The following PHLDB2 variants were observed in gnomAD, a reference collection of about 807,000 sequenced individuals.
The protein encoded by PHLDB2 is pleckstrin homology like domain family B member 2, also known as pleckstrin homology-like domain family B member 2.
Under a neutral mutation model 123.6 loss-of-function variants are expected in PHLDB2, and 71 were observed. That is an observed-to-expected ratio of 0.57 (90% CI 0.47 to 0.70). The LOEUF is 0.70. PHLDB2 is among the 30% of genes least tolerant of loss of function. The pLI is 0.00. For missense variants in PHLDB2, 1,446 were observed against 1,519.5 expected (o/e 0.95, Z 0.80); for synonymous variants, 547 against 541.6 (o/e 1.01, Z -0.14).
At chr3:111,748,775 G>T (rs893345749) in intron 1 of PHLDB2, among the ~76,000 whole-genome samples, 3 of 152,006 alleles carry the variant, frequency 2.0e-5, no homozygotes, top group African/African-American at 7.3e-5. Context: ...ACCCACCTCG[G>T]CCTCCCAAAG....
chr3:111,902,749 C>CT (rs996298471), intron 2 of PHLDB2, among the ~76,000 whole-genome samples: 49 of 152,268 alleles, frequency 3.2e-4, no homozygotes, highest in African/African-American at 1.2e-3. Context: ...AGTAGTCCTC[C>CT]TGCCTTGGCC....
chr3:111,866,964 T>C (rs1045295905), intron 1 of PHLDB2, among the ~76,000 whole-genome samples: 3 of 151,708 alleles, frequency 2.0e-5, no homozygotes, highest in African/African-American at 7.3e-5. Context: ...TGTGTGTGTG[T>C]GTGTGTGTAT....
At chr3:111,766,230 CAGG>C (rs1336453671) in intron 1 of PHLDB2, among the ~76,000 whole-genome samples, 1 of 151,978 alleles carries the variant, frequency 6.6e-6, no homozygotes, top group African/African-American at 2.4e-5. Context: ...CACTTGAGGC[CAGG>C]AGTTCAAGAC....
At chr3:111,943,341 C>A (rs1577148877) in intron 8 of PHLDB2, among the ~76,000 whole-genome samples, 1 of 151,978 alleles carries the variant, frequency 6.6e-6, no homozygotes, top group Non-Finnish European at 1.5e-5. Flanking sequence ...AAAAAGTAAA[C>A]CTCAATATTG....
At chr3:111,863,035 T>A (rs1398457366) in intron 1 of PHLDB2, among the ~76,000 whole-genome samples, 1 of 152,112 alleles carries the variant, frequency 6.6e-6, no homozygotes, top group East Asian at 1.9e-4. Flanking sequence ...CCTGACCTTG[T>A]GTAAAAGTTT....
At chr3:111,834,055 A>ATGTAATAGAATTATATATATT (rs796992166) in intron 1 of PHLDB2, among the ~76,000 whole-genome samples, 1 of 14,818 alleles carries the variant, frequency 6.7e-5, no homozygotes, top group Non-Finnish European at 1.2e-4. Context: ...AATTATATAT[A>ATGTAATAGAATTATATATATT]ATATATGTAA....
chr3:111,919,324 G>A, intron 4 of PHLDB2, 109 bp downstream of exon 4: 2 of 1,129,620 alleles, frequency 1.8e-6, no homozygotes, highest in Non-Finnish European at 2.6e-6. Flanking sequence ...GTCAACACAA[G>A]CAAACATTTA....
chr3:111,865,286 C>T (rs1300199378), intron 1 of PHLDB2, among the ~76,000 whole-genome samples: 1 of 152,190 alleles, frequency 6.6e-6, no homozygotes, highest in East Asian at 1.9e-4. Context: ...ATCAAATACC[C>T]ATATTATATT....
At chr3:111,853,742 G>A (rs928832478) in intron 2 of PHLDB2, among the ~76,000 whole-genome samples, 2 of 152,124 alleles carry the variant, frequency 1.3e-5, no homozygotes, top group African/African-American at 2.4e-5. Context: ...AGGCATGGTG[G>A]TGCATGCCTG....
chr3:111,969,609 TA>T (rs2072037547), intron 15 of PHLDB2, 80 bp from the exon 16 acceptor site: 2 of 1,141,482 alleles, frequency 1.8e-6, no homozygotes, highest in Non-Finnish European at 2.5e-6. Flanking sequence ...GTTTTACAGT[TA>T]ATTTCTGCTT....
At chr3:111,746,889 A>G (rs1274826784) in intron 1 of PHLDB2, among the ~76,000 whole-genome samples, 1 of 152,222 alleles carries the variant, frequency 6.6e-6, no homozygotes, top group Non-Finnish European at 1.5e-5. Context: ...GTAACCTACA[A>G]GAAGTGCAAA....
At chr3:111,931,075 A>G (rs2069122482) in intron 5 of PHLDB2, among the ~76,000 whole-genome samples, 1 of 152,234 alleles carries the variant, frequency 6.6e-6, no homozygotes, top group African/African-American at 2.4e-5. Context: ...ATAATGTCAT[A>G]GGACTATTTC....
At chr3:111,941,675 GCACACACCTTGAT>G (rs2069894755) in intron 8 of PHLDB2, among the ~76,000 whole-genome samples, 1 of 152,050 alleles carries the variant, frequency 6.6e-6, no homozygotes, top group Admixed American at 6.6e-5. Flanking sequence ...GGGCATGGTA[GCACACACCTTGAT>G]CCCAGCTACT....
chr3:111,777,305 A>G (rs963353246), intron 1 of PHLDB2, among the ~76,000 whole-genome samples: 4 of 152,156 alleles, frequency 2.6e-5, no homozygotes, highest in African/African-American at 9.7e-5. Context: ...GTTAATTATT[A>G]ACATTGACCC....
At chr3:111,887,699 C>G (rs1463079496) in intron 2 of PHLDB2, among the ~76,000 whole-genome samples, 1 of 152,072 alleles carries the variant, frequency 6.6e-6, no homozygotes, top group East Asian at 1.9e-4. Flanking sequence ...TTTTTATTAT[C>G]AATTCAATCA....
intron 10 of PHLDB2, chr3:111,949,773 A>T (rs2070588815): frequency 1.0e-6 from 1 of 985,398 alleles, no homozygotes; most frequent in Non-Finnish European, 1.2e-6. Flanking sequence ...CTCAACATAC[A>T]TCAGCCCCAT....
chr3:111,743,545 G>T (rs554511968), intron 1 of PHLDB2, among the ~76,000 whole-genome samples: 1 of 152,270 alleles, frequency 6.6e-6, no homozygotes, highest in Admixed American at 6.5e-5. Flanking sequence ...AAGTAGCAGT[G>T]AGATCTTCTG....
At chr3:111,828,211 C>A (rs1273141124) in intron 1 of PHLDB2, among the ~76,000 whole-genome samples, 7 of 152,298 alleles carry the variant, frequency 4.6e-5, no homozygotes, top group African/African-American at 1.7e-4. Context: ...AGTGAACCAA[C>A]TGGGAGAGAA....
intron 12 of PHLDB2, chr3:111,958,642 C>T (rs1196941589): frequency 4.5e-6 from 2 of 445,378 alleles, no homozygotes; most frequent in Non-Finnish European, 8.9e-6. Flanking sequence ...TCAATTAGGT[C>T]TTGCTTTATA....
Sources: allele counts gnomAD v4.1 joint callset (sites outside exome capture counted in the v4.1 genomes callset), GRCh38; gene constraint gnomAD v4.1.1; transcripts MANE v1.5; gene names NCBI Gene and HGNC (gene_info 2026-07-23, HGNC 2026-07-21).